The following NEB variants were observed in gnomAD, a reference collection of about 807,000 sequenced individuals.
The protein encoded by NEB is nemaline myopathy type 2.
A neutral mutation model predicts 952.2 loss-of-function variants in NEB; 512 were observed. That is an observed-to-expected ratio of 0.54 (90% confidence interval 0.50 to 0.58). The LOEUF is 0.58. Among genes scored for constraint, NEB ranks in the 20% least tolerant of loss-of-function variants. The pLI, the probability that NEB is intolerant of heterozygous loss-of-function variation, is 0.00. For synonymous variants in NEB, 2,900 were observed against 3,149.8 expected (o/e 0.92, Z 2.66); for missense variants, 8,428 against 9,231.1 (o/e 0.91, Z 3.56).
chr2:151,699,921 G>T (rs1308674361), intron 13 of NEB, among the ~76,000 whole-genome samples: 1 of 150,844 alleles, frequency 6.6e-6, no homozygotes, highest in South Asian at 2.1e-4. Flanking sequence ...TGGTGTTTTA[G>T]ACAGGAAGTC....
At chr2:151,540,640 T>C in intron 137 of NEB, 57 bp downstream of exon 137, 1 of 1,494,004 alleles carries the variant, frequency 6.7e-7, no homozygotes, top group South Asian at 1.1e-5. Context: ...CAGGGGAAGG[T>C]TTTAACAAAG....
At chr2:151,640,824 A>G (rs2098837362) in intron 60 of NEB, among the ~76,000 whole-genome samples, 158 bp from the exon 61 acceptor site, 1 of 152,044 alleles carries the variant, frequency 6.6e-6, no homozygotes, top group South Asian at 2.1e-4. Flanking sequence ...TATAGCACAT[A>G]TCATCACATA....
chr2:151,501,851 T>C (rs569794468), intron 167 of NEB, among the ~76,000 whole-genome samples: 4 of 152,084 alleles, frequency 2.6e-5, no homozygotes, highest in Non-Finnish European at 5.9e-5. Flanking sequence ...GAGAGACAGG[T>C]AGGTTTGGGG....
rs2098656796 is a variant in NEB, at chr2:151,631,028, T to C, written c.9618+115A>G. The C allele has an allele frequency of 5.0e-6, 7 of 1,394,238 alleles. No homozygotes were observed. In the Admixed American group the frequency reaches 1.5e-4, roughly 30 times the overall value. 86.4% of individuals were successfully genotyped at this position (1,394,238 alleles called of 1,614,324 possible). ...ATTTAGAGGATTTCAAGCATGTAAT[T>C]TAAAAGGTAAAAATGCGACCCCACG... On this transcript the variant is annotated intron_variant, in intron 66 of 181. Coordinates refer to ENST00000397345, the MANE Select transcript of NEB (RefSeq NM_001164508.2).
chr2:151,635,707 C>T (rs79019047), intron 64 of NEB, among the ~76,000 whole-genome samples: 1 of 86,030 alleles, frequency 1.2e-5, no homozygotes, highest in Non-Finnish European at 2.3e-5. Flanking sequence ...ACTCTGTCTC[C>T]AAAAAAAAAA....
chr2:151,620,370 T>TAC (rs2098384993), intron 72 of NEB, among the ~76,000 whole-genome samples: 1 of 80,418 alleles, frequency 1.2e-5, no homozygotes, highest in African/African-American at 3.6e-5. Flanking sequence ...TATATATATA[T>TAC]ATATATATAT....
chr2:151,687,279 T>C, intron 27 of NEB, 140 bp downstream of exon 27: 1 of 683,400 alleles, frequency 1.5e-6, no homozygotes. Flanking sequence ...GGCATCATTC[T>C]GAAGTTCTCT....
chr2:151,506,613 A>G (rs181400452), intron 163 of NEB, among the ~76,000 whole-genome samples: 1 of 152,304 alleles, frequency 6.6e-6, no homozygotes, highest in African/African-American at 2.4e-5. Context: ...GGATAACAAA[A>G]GAAATCACAA....
In NEB at chr2:151,655,817, C is replaced by T. The variant is rs1262088003; in HGVS notation, c.6702G>A (p.Lys2234=). 1.9e-6 allele frequency: 3 copies of T among 1,613,372 alleles called. No individual in the cohort carries two copies. Among genetic ancestry groups the T allele is most frequent in the Non-Finnish European group, 2.5e-6 (3 of 1,179,652 alleles). ...LAKQNAHTMN[K]HLYTIDWNKD... ...TGTGGACGGCCACTGTTCTCTGTAC[C>T]TTGTTCATGGTATGTGCATTCTGCT... Residue 2234 remains lysine (K), a splice_region_variant and synonymous_variant, in exon 50 of 182, where the codon AAG becomes AAA. Transcript: ENST00000397345.
At chr2:151,517,059 A>G (rs771467911) in intron 156 of NEB, among the ~76,000 whole-genome samples, 1 of 152,226 alleles carries the variant, frequency 6.6e-6, no homozygotes, top group Non-Finnish European at 1.5e-5. Context: ...AAACAACTCT[A>G]TGTGGGTCCT....
At chr2:151,492,308 A>T in intron 177 of NEB, 27 bp from the exon 178 acceptor site, 1 of 1,604,174 alleles carries the variant, frequency 6.2e-7, no homozygotes, top group Non-Finnish European at 8.5e-7. Context: ...TTGCTTTATG[A>T]AAATATGATG....
rs746031384 is a variant in NEB at position 151,493,776 on chromosome 2, G to A, written c.24671C>T (p.Ser8224Leu). 58 of 1,562,146 alleles carry A rather than the reference G, an allele frequency of 3.7e-5. No individual in the cohort carries two copies. The highest frequency in any genetic ancestry group is 1.2e-4 in the African/African-American group (9 of 74,026). ...RVKRNQENFS[S>L]VLYKENMRKA... Reference sequence around the variant, plus strand: ...ATTTATTTTTCCTTTCTAAAATACCGAGCTAAAGTTTTCTTGATTGCGTTT... The same window carrying A: ...ATTTATTTTTCCTTTCTAAAATACCAAGCTAAAGTTTTCTTGATTGCGTTT... The change falls in exon 175 of 182, where the codon TCG becomes TTG. Residue 8224 changes from serine to leucine, a missense_variant and splice_region_variant. Physicochemically the swap from Ser to Leu is moderately radical, Grantham distance 145. Around this residue, in one of 11 missense-constraint regions of NEB, gnomAD observed 3,374 missense variants for 3,651.5 expected, o/e 0.92. Transcript: ENST00000397345.
intron 41 of NEB, 89 bp from the exon 42 acceptor site, chr2:151,665,628 A>T (rs2154177660): frequency 8.6e-7 from 1 of 1,162,408 alleles, no homozygotes. Flanking sequence ...CAAAAAGAAA[A>T]AGAGAAGCTG....
chr2:151,680,508 A>G (rs551376268), intron 30 of NEB, among the ~76,000 whole-genome samples: 1 of 152,304 alleles, frequency 6.6e-6, no homozygotes, highest in South Asian at 2.1e-4. Flanking sequence ...TTCCTTAGAA[A>G]GAAATGTCAA....
intron 36 of NEB, among the ~76,000 whole-genome samples, chr2:151,674,104 A>G (rs1321764168): frequency 2.0e-5 from 3 of 152,210 alleles, no homozygotes; most frequent in South Asian, 2.1e-4. Context: ...TACATTTTAT[A>G]TAACATCTTT....
intron 77 of NEB, among the ~76,000 whole-genome samples, chr2:151,613,295 T>C (rs1021658052): frequency 1.3e-5 from 2 of 152,226 alleles, no homozygotes; most frequent in African/African-American, 4.8e-5. Flanking sequence ...ATATGTATAA[T>C]TCATTTTTAA....
chr2:151,495,896 C>CACA (rs1437712715), intron 173 of NEB, among the ~76,000 whole-genome samples: 4 of 152,250 alleles, frequency 2.6e-5, no homozygotes, highest in Non-Finnish European at 5.9e-5. Context: ...GACACAAAAA[C>CACA]ACAACAAAAT....
Position 151,727,857 on chromosome 2 carries a change from T to A in NEB, c.128A>T (p.Glu43Val), listed in dbSNP as rs752660824. The A allele has an allele frequency of 6.2e-7, 1 of 1,613,144 alleles. No homozygotes were observed. Among genetic ancestry groups the A allele is most frequent in the Admixed American group, 1.7e-5 (1 of 59,922 alleles). Residue 43 changes from glutamate to valine, a missense_variant, in exon 5 of 182, where the codon GAG becomes GTG. Glu to Val is a moderately radical substitution (Grantham distance 121). This residue lies in a region of NEB where 2,851 missense variants were observed against 2,791.5 expected (regional missense o/e 1.02). Coordinates refer to ENST00000397345, the MANE Select transcript of NEB (RefSeq NM_001164508.2). The part of the protein sequence containing the change: ...ETTTTRTSDY[E>V]QSETSKPALA... Reference sequence around the variant, plus strand: ...AGCTGGTTTGGAAGTTTCTGATTGCTCATAGTCAGATGTCCTTGTTGTCGT... The same window carrying A: ...AGCTGGTTTGGAAGTTTCTGATTGCACATAGTCAGATGTCCTTGTTGTCGT...
intron 10 of NEB, among the ~76,000 whole-genome samples, chr2:151,714,956 T>C (rs6433579): frequency 0.99 from 150,056 of 152,310 alleles, 73,974 homozygotes; most frequent in East Asian, 1. Flanking sequence ...TTCTCCCTAA[T>C]ACAACTATTA....
Sources: allele counts gnomAD v4.1 joint callset (sites outside exome capture counted in the v4.1 genomes callset), GRCh38; gene constraint gnomAD v4.1.1; regional missense constraint gnomAD v4.1.1; transcripts MANE v1.5; gene names NCBI Gene and HGNC (gene_info 2026-07-23, HGNC 2026-07-21).